Variants in TFEC observed in about 807,000 individuals in gnomAD.
The protein encoded by TFEC is transcription factor EC, also known as class E basic helix-loop-helix protein 34.
A neutral mutation model predicts 41.6 loss-of-function variants in TFEC; 31 were observed. The observed-to-expected ratio is 0.74, with a 90% CI of 0.56 to 1.01. The LOEUF (loss-of-function observed/expected upper bound fraction) is 1.01, where lower values mean the gene tolerates loss of function less well. Among genes scored for constraint, TFEC ranks in the 50% least tolerant of loss-of-function variants. The pLI is 0.00. For synonymous variants in TFEC, 143 were observed against 140.6 expected, an observed-to-expected ratio of 1.02 and a Z score of -0.12; for missense variants, 402 against 404.1, an observed-to-expected ratio of 0.99 and a Z score of 0.04.
chr7:115,948,249 AG>A (rs1191257094), intron 6 of TFEC, among the ~76,000 whole-genome samples: 1 of 151,854 alleles, frequency 6.6e-6, no homozygotes, highest in East Asian at 1.9e-4. Context: ...ATGGATTCAC[AG>A]CCGAATTCTA....
chr7:116,077,194 A>G lies in TFEC; in HGVS notation c.198+33514T>C, dbSNP rs183948403. On this transcript the variant is annotated intron_variant, in intron 3 of 8. Coordinates refer to the TFEC transcript ENST00000484212. ...TGAAACTAAGCTTCGTAAATGAAGG[A>G]AAGATACAGTCTTTTCCAGACAAAC... Among the ~76,000 whole-genome samples, 339 of 152,304 alleles carry G rather than the reference A, an allele frequency of 2.2e-3. 1 individual carries two copies. Among genetic ancestry groups the G allele is most frequent in the Admixed American group, 5.6e-3 (85 of 15,288 alleles).
intron 3 of TFEC, among the ~76,000 whole-genome samples, chr7:116,075,574 C>A (rs1164016139): frequency 1.3e-5 from 2 of 152,136 alleles, no homozygotes; most frequent in Non-Finnish European, 2.9e-5. Flanking sequence ...TTTAAGACTG[C>A]CATCTGTGTG....
Position 115,946,069 on chromosome 7 carries a change from T to C in TFEC, c.516-4029A>G, listed in dbSNP as rs115975773. ...ATAAAGTTTTTATTAAAATTTGGAGTAATAATCTCTCATAAAACTTTATAA... is the reference window on the plus strand; with the variant it reads ...ATAAAGTTTTTATTAAAATTTGGAGCAATAATCTCTCATAAAACTTTATAA... On this transcript the variant is annotated intron_variant, in intron 6 of 7. Coordinates refer to ENST00000265440, the MANE Select transcript of TFEC (RefSeq NM_012252.4). 7.7e-3 allele frequency among the ~76,000 whole-genome samples: 1,167 copies of C among 151,816 alleles called. 26 individuals carry two copies. The highest frequency in any genetic ancestry group is 0.027 in the African/African-American group (1,113 of 41,490).
rs531373992 is a variant in TFEC at position 115,948,801 on chromosome 7, C to T, written c.515+2073G>A. On this transcript the variant is annotated intron_variant, in intron 6 of 7. Transcript: ENST00000265440. Reference sequence around the variant, plus strand: ...TGAAAACTGGCACAAGACAGGGATGCCCTCTCTCACCACTCCTATTCAACA... The same window carrying T: ...TGAAAACTGGCACAAGACAGGGATGTCCTCTCTCACCACTCCTATTCAACA... Among the ~76,000 whole-genome samples the T allele has an allele frequency of 2.1e-3, 312 of 148,154 alleles. 2 individuals carry two copies. The highest frequency in any genetic ancestry group is 0.021 in the Middle Eastern group (6 of 292).
At position 115,938,577 on chromosome 7, in the gene TFEC, A is replaced by G. The variant is rs1031482512; in HGVS notation, c.*1974T>C. Reference sequence around the variant, plus strand: ...TAATTCTCCAAATTCTGAGCAAATGATACAAGCTAAGCCTGAGATAATTAT... The same window carrying G: ...TAATTCTCCAAATTCTGAGCAAATGGTACAAGCTAAGCCTGAGATAATTAT... On this transcript the variant is annotated 3_prime_UTR_variant, in exon 8 of 8. Transcript: ENST00000265440. The G allele has an allele frequency of 6.6e-6, 1 of 151,904 alleles. No individual in the cohort carries two copies. Among genetic ancestry groups the G allele is most frequent in the South Asian group, 2.1e-4 (1 of 4,828 alleles). The allele number at this position is 151,904 out of a possible 1,614,324, so 9.4% of individuals were successfully genotyped here.
intron 3 of TFEC, among the ~76,000 whole-genome samples, chr7:116,087,499 A>G (rs1408570768): frequency 6.6e-6 from 1 of 151,994 alleles, no homozygotes; most frequent in Non-Finnish European, 1.5e-5. Flanking sequence ...ATAATCCTTT[A>G]CTACTTCTCC....
At chr7:116,016,569 G>A (rs749516981) in intron 1 of TFEC, among the ~76,000 whole-genome samples, 3 of 151,918 alleles carry the variant, frequency 2.0e-5, no homozygotes, top group Admixed American at 6.6e-5. Context: ...TGAATGACAC[G>A]CCCTATTCCC....
chr7:115,970,857 A>T (rs942453321), intron 3 of TFEC, among the ~76,000 whole-genome samples: 1 of 151,930 alleles, frequency 6.6e-6, no homozygotes, highest in African/African-American at 2.4e-5. Context: ...AGCAGATACC[A>T]GGGTAATGCT....
intron 7 of TFEC, chr7:115,941,681 A>G (rs929645028): frequency 2.9e-5 from 17 of 589,578 alleles, no homozygotes; most frequent in African/African-American, 2.6e-4. Flanking sequence ...ATATATACAT[A>G]TATACATATT....
intron 1 of TFEC, among the ~76,000 whole-genome samples, chr7:116,141,403 G>T (rs1562984564): frequency 6.6e-6 from 1 of 152,060 alleles, no homozygotes; most frequent in South Asian, 2.1e-4. Flanking sequence ...TTACAATGTT[G>T]TCTTGCAACA....
At chr7:116,011,507 AAT>A (rs1427748775) in intron 1 of TFEC, among the ~76,000 whole-genome samples, 1 of 152,226 alleles carries the variant, frequency 6.6e-6, no homozygotes, top group African/African-American at 2.4e-5. Context: ...CTATTGAAGA[AAT>A]AGTATGAAGA....
At chr7:116,089,395 T>A (rs1344731356) in intron 3 of TFEC, among the ~76,000 whole-genome samples, 1 of 152,112 alleles carries the variant, frequency 6.6e-6, no homozygotes, top group African/African-American at 2.4e-5. Context: ...GTGTAATGTG[T>A]CACATTGTGA....
Position 115,984,407 on chromosome 7 carries a change from A to G in TFEC, c.35T>C (p.Leu12Pro). 2 of 1,614,102 alleles carry G rather than the reference A, an allele frequency of 1.2e-6. No homozygotes were observed. The highest frequency in any genetic ancestry group is 8.5e-7 in the Non-Finnish European group (1 of 1,179,972). The change falls in exon 2 of 8, where the codon CTT becomes CCT. Residue 12 changes from leucine (L) to proline (P), a missense_variant. Coordinates refer to ENST00000265440, the MANE Select transcript of TFEC (RefSeq NM_012252.4). ...TLDHQIINPT[L>P]KWSQPAVPSG... Reference sequence around the variant, plus strand: ...TGGCACTGCAGGTTGTGACCATTTAAGAGTTGGATTGATGATCTGATGATC... The same window carrying G: ...TGGCACTGCAGGTTGTGACCATTTAGGAGTTGGATTGATGATCTGATGATC...
chr7:116,051,732 T>C (rs918576415), intron 3 of TFEC, among the ~76,000 whole-genome samples: 5 of 152,176 alleles, frequency 3.3e-5, no homozygotes, highest in Non-Finnish European at 5.9e-5. Context: ...TCAATAATAG[T>C]AAAAATAGCT....
chr7:116,061,097 T>A (rs933818643), intron 3 of TFEC, among the ~76,000 whole-genome samples: 1 of 152,104 alleles, frequency 6.6e-6, no homozygotes, highest in Admixed American at 6.6e-5. Context: ...CAAGCAAGAT[T>A]TTGTAGAAAT....
chr7:116,154,350 C>A (rs550807189), intron 1 of TFEC, among the ~76,000 whole-genome samples: 1 of 152,242 alleles, frequency 6.6e-6, no homozygotes, highest in African/African-American at 2.4e-5. Context: ...CAGATGGAGG[C>A]TTTACTATCT....
At chr7:116,148,720 T>G (rs79760655) in intron 1 of TFEC, among the ~76,000 whole-genome samples, 2 of 152,158 alleles carry the variant, frequency 1.3e-5, no homozygotes, top group Non-Finnish European at 2.9e-5. Context: ...TTCGGGAATG[T>G]TGAGTTTGAA....
intron 1 of TFEC, among the ~76,000 whole-genome samples, chr7:116,146,777 A>G (rs1323911358): frequency 1.3e-5 from 2 of 152,196 alleles, no homozygotes; most frequent in African/African-American, 2.4e-5. Context: ...AAGTAAGGCC[A>G]TCAAAGATGG....
At chr7:116,080,386 C>T (rs1053362570) in intron 3 of TFEC, among the ~76,000 whole-genome samples, 2 of 151,966 alleles carry the variant, frequency 1.3e-5, no homozygotes, top group Non-Finnish European at 2.9e-5. Context: ...AAAAGACAAC[C>T]CACAGAGTGG....
Sources: gnomAD v4.1 joint callset for allele counts (sites outside exome capture counted in the v4.1 genomes callset) on GRCh38, gnomAD v4.1.1 for gene constraint, MANE v1.5 for transcripts, NCBI Gene and HGNC (gene_info 2026-07-23, HGNC 2026-07-21) for gene names.